The following MYO5A variants were observed in gnomAD, a reference collection of about 807,000 sequenced individuals.
MYO5A encodes myosin VA, also known as unconventional myosin-Va.
MYO5A carries 98 observed loss-of-function variants against 249.7 expected under a neutral mutation model. The ratio of observed to expected loss-of-function variants is 0.39; its 90% CI spans 0.33 to 0.46. The LOEUF is 0.46. MYO5A is among the 20% of genes least tolerant of loss of function. The pLI is 0.98. For synonymous variants in MYO5A, 778 were observed against 810.6 expected (o/e 0.96, Z 0.68); for missense variants, 1,696 against 2,308.8 (o/e 0.73, Z 5.44).
chr15:52,415,870 C>T, intron 5 of MYO5A: 1 of 453,670 alleles, frequency 2.2e-6, no homozygotes, highest in Non-Finnish European at 4.0e-6. Context: ...AACTTAATTG[C>T]TGCCTGGTAT....
At chr15:52,450,132 C>T (rs2075984709) in intron 1 of MYO5A, among the ~76,000 whole-genome samples, 1 of 151,978 alleles carries the variant, frequency 6.6e-6, no homozygotes. Flanking sequence ...CCAGCCTTGG[C>T]AACATAACAA....
At chr15:52,424,840 A>G (rs1026584202) in intron 4 of MYO5A, among the ~76,000 whole-genome samples, 20 of 152,354 alleles carry the variant, frequency 1.3e-4, no homozygotes, top group African/African-American at 4.8e-4. Context: ...TAGTCCTGAA[A>G]GTAACATTTT....
intron 25 of MYO5A, among the ~76,000 whole-genome samples, chr15:52,358,099 C>T (rs1252270938): frequency 6.6e-6 from 1 of 152,166 alleles, no homozygotes; most frequent in African/African-American, 2.4e-5. Flanking sequence ...GCAGGAGGAG[C>T]ACTGGTTCCA....
At chr15:52,426,679 T>C (rs1046404656) in intron 3 of MYO5A, among the ~76,000 whole-genome samples, 1 of 152,096 alleles carries the variant, frequency 6.6e-6, no homozygotes. Flanking sequence ...TGCCCAGGCT[T>C]GAACTCCTGG....
chr15:52,445,338 C>G (rs752853517), intron 1 of MYO5A, among the ~76,000 whole-genome samples: 5 of 152,134 alleles, frequency 3.3e-5, no homozygotes, highest in Non-Finnish European at 7.4e-5. Flanking sequence ...GTGAAAGCTC[C>G]CTGAGGCCTC....
chr15:52,421,356 T>C (rs2141268443), intron 4 of MYO5A, among the ~76,000 whole-genome samples: 1 of 152,134 alleles, frequency 6.6e-6, no homozygotes, highest in Non-Finnish European at 1.5e-5. Flanking sequence ...CTCAAGTCAA[T>C]GAAAAGAGAA....
intron 1 of MYO5A, among the ~76,000 whole-genome samples, chr15:52,473,936 T>C (rs1313950123): frequency 1.3e-5 from 2 of 152,186 alleles, no homozygotes; most frequent in Non-Finnish European, 2.9e-5. Flanking sequence ...AAGAAAGTCA[T>C]TGGTAGCTTG....
At chr15:52,468,960 T>C (rs1243631121) in intron 1 of MYO5A, among the ~76,000 whole-genome samples, 1 of 152,156 alleles carries the variant, frequency 6.6e-6, no homozygotes, top group South Asian at 2.1e-4. Flanking sequence ...ATTTTTACAA[T>C]AAAACCAAAA....
At chr15:52,392,166 T>A in intron 11 of MYO5A, 96 bp from the exon 12 acceptor site, 1 of 1,248,368 alleles carries the variant, frequency 8.0e-7, no homozygotes, top group South Asian at 1.3e-5. Context: ...AATCTGTGGC[T>A]TTCAACAACA....
At chr15:52,366,163 C>T (rs572871320) in intron 23 of MYO5A, among the ~76,000 whole-genome samples, 248 of 152,178 alleles carry the variant, frequency 1.6e-3, no homozygotes, top group African/African-American at 5.8e-3. Flanking sequence ...TTCTGAATAC[C>T]TCCATGTTGA....
At position 52,311,529 on chromosome 15, in the gene MYO5A, T is replaced by C. The variant is rs1250873673; in HGVS notation, c.*2167A>G. On this transcript the variant is annotated 3_prime_UTR_variant, in exon 42 of 42. Coordinates refer to ENST00000399233, the MANE Select transcript of MYO5A (RefSeq NM_001382347.1). ...AATGTATTCAAACTGAATAAAGCAATACATGATGTAATAAAAATTACTTAA... is the reference window on the plus strand; with the variant it reads ...AATGTATTCAAACTGAATAAAGCAACACATGATGTAATAAAAATTACTTAA... 1 of 152,224 alleles carries C rather than the reference T, an allele frequency of 6.6e-6. No homozygotes were observed. Among genetic ancestry groups the C allele is most frequent in the Non-Finnish European group, 1.5e-5 (1 of 68,046 alleles). 9.4% of individuals were successfully genotyped at this position (152,224 alleles called of 1,614,324 possible).
At chr15:52,402,544 A>G (rs908850859) in intron 9 of MYO5A, among the ~76,000 whole-genome samples, 1 of 152,088 alleles carries the variant, frequency 6.6e-6, no homozygotes, top group African/African-American at 2.4e-5. Flanking sequence ...CTTACCAGTA[A>G]CTTTTAAAGC....
In MYO5A at chr15:52,384,187, C is replaced by G. The variant is rs749652957; in HGVS notation, c.1888G>C (p.Glu630Gln). Residue 630 changes from glutamate (E) to glutamine (Q), a missense_variant, in exon 15 of 42, where the codon GAG becomes CAG. Physicochemically the swap from Glu to Gln is conservative, Grantham distance 29. Coordinates refer to ENST00000399233, the MANE Select transcript of MYO5A (RefSeq NM_001382347.1). Reference sequence around the variant, plus strand: ...TGATGCCCCACTGTTTTCTTGTGCTCTTTGGCCATTTGGCCTGGTCTGCCT... The same window carrying G: ...TGATGCCCCACTGTTTTCTTGTGCTGTTTGGCCATTTGGCCTGGTCTGCCT... ...TKGRPGQMAK[E>Q]HKKTVGHQFR... 1.9e-6 allele frequency: 3 copies of G among 1,614,046 alleles called. No individual in the cohort carries two copies. Among genetic ancestry groups the G allele is most frequent in the Non-Finnish European group, 2.5e-6 (3 of 1,180,008 alleles).
chr15:52,343,005 A>G, intron 31 of MYO5A, 112 bp downstream of exon 31: 1 of 852,978 alleles, frequency 1.2e-6, no homozygotes, highest in South Asian at 1.4e-5. Flanking sequence ...ACACTAATTT[A>G]CCCAAGAAGA....
At chr15:52,431,789 T>C (rs1294492154) in intron 2 of MYO5A, among the ~76,000 whole-genome samples, 1 of 151,722 alleles carries the variant, frequency 6.6e-6, no homozygotes, top group South Asian at 2.1e-4. Flanking sequence ...AGTTCGAGAC[T>C]AGCCTGGGCA....
chr15:52,316,644 T>C (rs2038031621), intron 40 of MYO5A, among the ~76,000 whole-genome samples: 1 of 152,228 alleles, frequency 6.6e-6, no homozygotes, highest in Non-Finnish European at 1.5e-5. Flanking sequence ...ACAAGAATTA[T>C]CTGTCTCTAA....
At chr15:52,381,780 T>A (rs199790024) in intron 16 of MYO5A, among the ~76,000 whole-genome samples, 18 of 74,566 alleles carry the variant, frequency 2.4e-4, no homozygotes, top group Admixed American at 2.2e-3. Flanking sequence ...TCTCTCTCTC[T>A]CTCACACACA....
chr15:52,411,762 T>C (rs1239911522), intron 5 of MYO5A, among the ~76,000 whole-genome samples: 2 of 152,178 alleles, frequency 1.3e-5, no homozygotes, highest in African/African-American at 4.8e-5. Context: ...GCCATACAAG[T>C]CAACACATTA....
intron 33 of MYO5A, 131 bp from the exon 34 acceptor site, chr15:52,336,687 A>G (rs183823839): frequency 2.2e-5 from 16 of 713,760 alleles, no homozygotes; most frequent in Middle Eastern, 7.8e-4. Context: ...TGGAGCCACC[A>G]CCTGGCTAAA....
Sources: allele counts gnomAD v4.1 joint callset (sites outside exome capture counted in the v4.1 genomes callset), GRCh38; gene constraint gnomAD v4.1.1; transcripts MANE v1.5; gene names NCBI Gene and HGNC (gene_info 2026-07-23, HGNC 2026-07-21).